FGFR2: variants seen among roughly 807,000 people sequenced by gnomAD.
FGFR2 encodes the protein BEK fibroblast growth factor receptor.
FGFR2 carries 19 observed loss-of-function variants against 95.9 expected under a neutral mutation model. The observed-to-expected ratio is 0.20, with a 90% confidence interval of 0.14 to 0.29. The LOEUF (loss-of-function observed/expected upper bound fraction) is 0.29. Ranked by LOEUF, FGFR2 falls within the 10% of genes least tolerant of loss-of-function variation. The pLI is 1.00. For missense variants in FGFR2, 707 were observed against 1,056.9 expected (o/e 0.67, Z 4.59); for synonymous variants, 392 against 393.3 (o/e 1.00, Z 0.04).
At chr10:121,573,118 C>G (rs1859107435) in intron 2 of FGFR2, among the ~76,000 whole-genome samples, 1 of 152,234 alleles carries the variant, frequency 6.6e-6, no homozygotes, top group African/African-American at 2.4e-5. Flanking sequence ...AGCAGCACTT[C>G]AGACTGTCAC....
intron 4 of FGFR2, among the ~76,000 whole-genome samples, chr10:121,555,421 G>A (rs929380150): frequency 6.6e-6 from 1 of 151,980 alleles, no homozygotes; most frequent in African/African-American, 2.4e-5. Context: ...TGCAAGCTAA[G>A]GACACATGAG....
At chr10:121,551,589 T>A in intron 4 of FGFR2, 130 bp from the exon 5 acceptor site, 1 of 859,548 alleles carries the variant, frequency 1.2e-6, no homozygotes, top group Non-Finnish European at 1.8e-6. Flanking sequence ...TTGGGTAATA[T>A]TTACATTTGG....
chr10:121,554,082 T>A (rs950608477), intron 4 of FGFR2, among the ~76,000 whole-genome samples: 6 of 152,218 alleles, frequency 3.9e-5, no homozygotes, highest in Non-Finnish European at 7.3e-5. Context: ...AAGCTACACC[T>A]ATAAAATCTG....
intron 6 of FGFR2, among the ~76,000 whole-genome samples, chr10:121,524,146 A>ACACACCCCCCCC (rs142755962): frequency 2.3e-4 from 31 of 136,932 alleles, no homozygotes; most frequent in Non-Finnish European, 2.0e-4. Context: ...ACACACACAC[A>ACACACCCCCCCC]CCCCAAGTTT....
chr10:121,596,941 G>T (rs146751408), intron 1 of FGFR2, among the ~76,000 whole-genome samples: 77 of 152,240 alleles, frequency 5.1e-4, no homozygotes, highest in Non-Finnish European at 9.7e-4. Context: ...AGTCGAGCCC[G>T]GTGGAAGATT....
intron 2 of FGFR2, among the ~76,000 whole-genome samples, chr10:121,587,785 C>T (rs984795986): frequency 6.6e-6 from 1 of 152,210 alleles, no homozygotes; most frequent in African/African-American, 2.4e-5. Context: ...CACTTATATA[C>T]TGTTAGTAGG....
intron 2 of FGFR2, among the ~76,000 whole-genome samples, chr10:121,578,636 G>T (rs1860321193): frequency 6.6e-6 from 1 of 152,244 alleles, no homozygotes; most frequent in Non-Finnish European, 1.5e-5. Flanking sequence ...TCAGCTGGGC[G>T]CTGTGGCTTA....
intron 6 of FGFR2, among the ~76,000 whole-genome samples, chr10:121,535,991 T>C (rs994170799): frequency 6.6e-6 from 1 of 152,216 alleles, no homozygotes; most frequent in Non-Finnish European, 1.5e-5. Flanking sequence ...CCAAAGAATG[T>C]GGGCAAGAAT....
intron 2 of FGFR2, among the ~76,000 whole-genome samples, chr10:121,572,942 T>C (rs1441783745): frequency 6.6e-6 from 1 of 152,234 alleles, no homozygotes; most frequent in Non-Finnish European, 1.5e-5. Flanking sequence ...GGGGAAATCT[T>C]GTAAAAGTCA....
In FGFR2 at chr10:121,485,539, CA is replaced by C; in HGVS notation, c.2058-8del. 1 of 1,614,100 alleles carries C rather than the reference CA, an allele frequency of 6.2e-7. No individual in the cohort carries two copies. Among genetic ancestry groups the C allele is most frequent in the Middle Eastern group, 1.6e-4 (1 of 6,062 alleles). On this transcript the variant is annotated splice_polypyrimidine_tract_variant and splice_region_variant and intron_variant, in intron 15 of 17. Transcript: ENST00000358487. This position sits in a 1 kb window ranked among gnomAD's most constrained non-coding sequence, Gnocchi z 4.2. ...TAACACCCCGAAGGACCAGCTGCAA[CA>C]AAAGGAGAAAGCACGGCATTACTAA...
chr10:121,582,116 G>C (rs760823557), intron 2 of FGFR2, among the ~76,000 whole-genome samples: 23 of 152,052 alleles, frequency 1.5e-4, no homozygotes, highest in Non-Finnish European at 2.4e-4. Context: ...ATTTTTAGTA[G>C]AGACCACGTT....
chr10:121,576,256 G>A (rs1859737130), intron 2 of FGFR2, among the ~76,000 whole-genome samples: 1 of 152,204 alleles, frequency 6.6e-6, no homozygotes, highest in Non-Finnish European at 1.5e-5. Flanking sequence ...CAGGCCATTA[G>A]ATCATGTAGC....
chr10:121,479,880 T>C lies in FGFR2; in HGVS notation c.2443A>G (p.Ile815Val), dbSNP rs1287097832. The C allele has an allele frequency of 8.1e-6, 13 of 1,614,154 alleles. No homozygotes were observed. The East Asian group carries it at 1.8e-4, about 22-fold the overall frequency. ...YEPCLPQYPH[I>V]NGSVKT ...ATTCATGTTTTAACACTGCCGTTTA[T>C]GTGTGGATACTGAGGAAGGCATGGT... is the stretch of plus-strand genomic sequence containing the variant. The change falls in exon 18 of 18, where the codon ATA becomes GTA. Residue 815 changes from isoleucine to valine, a missense_variant. Transcript: ENST00000358487.
intron 6 of FGFR2, chr10:121,526,290 G>A (rs1851354657): frequency 7.5e-6 from 3 of 398,398 alleles, no homozygotes; most frequent in Non-Finnish European, 1.3e-5. Flanking sequence ...CTAAAGAGTA[G>A]GCGGTGGTTG....
rs2133769914 is a variant in FGFR2, at chr10:121,483,765, G to A, written c.2234C>T (p.Ser745Phe). Reference protein sequence around the residue: ...MMRDCWHAVPSQRPTFKQLVE... With the variant: ...MMRDCWHAVPFQRPTFKQLVE... ...CAACTGCTTGAACGTTGGTCTCTGG[G>A]AGGGCACTGCATGCCAACAGTCCCT... The change falls in exon 17 of 18, where the codon TCC (serine) becomes TTC (phenylalanine). Residue 745 changes from serine (S) to phenylalanine (F), a missense_variant. Physicochemically the swap from Ser to Phe is radical, Grantham distance 155 (BLOSUM62 -2). This residue lies in a region of FGFR2 where 104 missense variants were observed against 214.2 expected (regional missense o/e 0.49). Transcript: ENST00000358487. The A allele has an allele frequency of 6.2e-7, 1 of 1,614,024 alleles. No homozygotes were observed. The highest frequency in any genetic ancestry group is 1.3e-5 in the African/African-American group (1 of 75,044).
At chr10:121,554,426 C>A (rs1173025826) in intron 4 of FGFR2, among the ~76,000 whole-genome samples, 2 of 151,404 alleles carry the variant, frequency 1.3e-5, no homozygotes, top group Non-Finnish European at 2.9e-5. Context: ...GCAAGCTCTG[C>A]CTCCCGGGTT....
At chr10:121,544,669 A>C (rs1177779072) in intron 5 of FGFR2, among the ~76,000 whole-genome samples, 1 of 152,060 alleles carries the variant, frequency 6.6e-6, no homozygotes, top group East Asian at 1.9e-4. Context: ...GCAGTGGGGG[A>C]GGGGAAATGA....
At chr10:121,550,101 ATC>A (rs1855143788) in intron 5 of FGFR2, among the ~76,000 whole-genome samples, 1 of 152,230 alleles carries the variant, frequency 6.6e-6, no homozygotes. Flanking sequence ...TGGAAATTCC[ATC>A]TCTCTCTTTC....
chr10:121,483,931 G>T, intron 16 of FGFR2, 128 bp from the exon 17 acceptor site: 1 of 704,426 alleles, frequency 1.4e-6, no homozygotes, highest in African/African-American at 1.8e-5. Flanking sequence ...CAAGCAACTA[G>T]ATTAGGGGGT....
Sources: gnomAD v4.1 joint callset for allele counts (sites outside exome capture counted in the v4.1 genomes callset) on GRCh38, gnomAD v4.1.1 for gene constraint, gnomAD v4.1.1 regional missense constraint, Gnocchi (gnomAD v3.1) non-coding constraint, MANE v1.5 for transcripts, NCBI Gene and HGNC (gene_info 2026-07-23, HGNC 2026-07-21) for gene names.